RBM4: variants seen among roughly 807,000 people sequenced by gnomAD.
RBM4 encodes the protein RNA-binding protein 4.
RBM4 carries 7 observed loss-of-function variants against 29.5 expected under a neutral mutation model. The observed-to-expected ratio is 0.24, with a 90% CI of 0.14 to 0.45. The LOEUF (loss-of-function observed/expected upper bound fraction) is 0.45. RBM4 is among the 20% of genes least tolerant of loss of function. The pLI, the probability that RBM4 is intolerant of heterozygous loss-of-function variation, is 1.00. For synonymous variants in RBM4, 220 were observed against 205.4 expected (o/e 1.07, Z -0.61); for missense variants, 387 against 502.3 (o/e 0.77, Z 2.19).
At chr11:66,641,403 T>G (rs1565080275) in intron 2 of RBM4, among the ~76,000 whole-genome samples, 1 of 152,220 alleles carries the variant, frequency 6.6e-6, no homozygotes, top group East Asian at 1.9e-4. Context: ...TGTGCGTTAG[T>G]AAAGAAAAGT....
At chr11:66,640,860 T>TA (rs1740484764) in intron 2 of RBM4, 1 of 152,246 alleles carries the variant, frequency 6.6e-6, no homozygotes, top group East Asian at 1.9e-4. Context: ...GCATGGGTGA[T>TA]ATGTGGATTG....
rs115661621 is a variant in RBM4 at position 66,658,559 on chromosome 11, G to C, written c.413-7297G>C. Among the ~76,000 whole-genome samples the C allele has an allele frequency of 2.7e-3, 417 of 151,994 alleles. 5 individuals carry two copies. The highest frequency in any genetic ancestry group is 9.3e-3 in the African/African-American group (386 of 41,466). On this transcript the variant is annotated intron_variant, in intron 2 of 2. Coordinates refer to the RBM4 transcript ENST00000396053. ...AGACTTCATTCATTGCTTTGGCTTTGTATACCATATGGAGTTGTGCTGTTC... is the reference window on the plus strand; with the variant it reads ...AGACTTCATTCATTGCTTTGGCTTTCTATACCATATGGAGTTGTGCTGTTC...
At chr11:66,644,261 A>G in intron 3 of RBM4, 121 bp downstream of exon 3, 3 of 1,355,134 alleles carry the variant, frequency 2.2e-6, no homozygotes, top group Non-Finnish European at 3.0e-6. Flanking sequence ...GGTTACTAGG[A>G]TGGCTCACAG....
chr11:66,645,351 T>C (rs747153845), intron 3 of RBM4, among the ~76,000 whole-genome samples: 9 of 152,212 alleles, frequency 5.9e-5, no homozygotes, highest in Non-Finnish European at 1.3e-4. Flanking sequence ...TCCTTAATTA[T>C]AGTAACTGTG....
intron 2 of RBM4, among the ~76,000 whole-genome samples, chr11:66,662,841 T>C (rs1029630856): frequency 1.3e-5 from 2 of 152,206 alleles, no homozygotes; most frequent in African/African-American, 4.8e-5. Context: ...CCCAGCATCT[T>C]TGCCTTATTT....
At chr11:66,641,178 G>C (rs1938444481) in intron 2 of RBM4, 1 of 152,138 alleles carries the variant, frequency 6.6e-6, no homozygotes, top group Admixed American at 6.5e-5. Flanking sequence ...AATAAAAAAA[G>C]CCTTATTCAA....
chr11:66,640,265 T>A, intron 2 of RBM4, 142 bp downstream of exon 2: 1 of 1,137,296 alleles, frequency 8.8e-7, no homozygotes, highest in Non-Finnish European at 1.3e-6. Flanking sequence ...ATGGACTTCT[T>A]ATGATGTAGA....
chr11:66,655,148 G>T (rs1342902717), intron 2 of RBM4, among the ~76,000 whole-genome samples: 1 of 151,990 alleles, frequency 6.6e-6, no homozygotes, highest in Non-Finnish European at 1.5e-5. Flanking sequence ...ACCACGCCTG[G>T]CTAATTTTTG....
rs755285322 is a variant in RBM4 at position 66,643,691 on chromosome 11, C to T, written c.654C>T (p.Leu218=). Residue 218 remains leucine, a synonymous_variant, in exon 3 of 4, where the codon CTC becomes CTT. Transcript: ENST00000310092. The surrounding 1 kb of genome is among the most constrained non-coding windows in gnomAD (Gnocchi z 6.1). ...SLYYNNAYGA[L]DAYYKRCRAA... ...ATTACAACAACGCGTACGGAGCGCTCGATGCCTACTACAAGCGCTGCCGTG... is the reference window on the plus strand; with the variant it reads ...ATTACAACAACGCGTACGGAGCGCTTGATGCCTACTACAAGCGCTGCCGTG... 11 of 1,614,020 alleles carry T rather than the reference C, an allele frequency of 6.8e-6. No individual in the cohort carries two copies. Among genetic ancestry groups the T allele is most frequent in the East Asian group, 2.2e-5 (1 of 44,892 alleles).
chr11:66,644,283 G>A (rs549583738), intron 3 of RBM4, 143 bp downstream of exon 3: 2 of 1,179,154 alleles, frequency 1.7e-6, no homozygotes, highest in East Asian at 5.2e-5. Flanking sequence ...CTAGAGAGAA[G>A]TCCTAACTGC....
At chr11:66,644,650 A>C (rs1437194636) in intron 3 of RBM4, 11 of 979,426 alleles carry the variant, frequency 1.1e-5, no homozygotes, top group Admixed American at 6.0e-5. Context: ...GTTACTAAGA[A>C]GACTACCAAA....
In RBM4 at chr11:66,639,978, C is replaced by T. The variant is rs1043375; in HGVS notation, c.267C>T (p.Cys89=). Residue 89 remains cysteine, a synonymous_variant, in exon 2 of 4, where the codon TGC becomes TGT. Transcript: ENST00000310092. ...KLHVGNISPT[C]TNKELRAKFE... ...ATGTGGGCAACATCAGTCCCACCTGCACCAATAAGGAGCTTCGAGCCAAGT... is the reference window on the plus strand; with the variant it reads ...ATGTGGGCAACATCAGTCCCACCTGTACCAATAAGGAGCTTCGAGCCAAGT... The T allele has an allele frequency of 6.2e-7, 1 of 1,614,184 alleles. No individual in the cohort carries two copies. Among genetic ancestry groups the T allele is most frequent in the Non-Finnish European group, 8.5e-7 (1 of 1,180,040 alleles).
chr11:66,661,149 G>A (rs1488414500), intron 2 of RBM4, among the ~76,000 whole-genome samples: 1 of 152,150 alleles, frequency 6.6e-6, no homozygotes, highest in Non-Finnish European at 1.5e-5. Flanking sequence ...TTCTTCTCCT[G>A]CAAGTTCCTG....
At chr11:66,648,984 C>CT (rs1232136317), downstream of RBM4, among the ~76,000 whole-genome samples, 1 of 150,552 alleles carries the variant, frequency 6.6e-6, no homozygotes, top group Non-Finnish European at 1.5e-5. Flanking sequence ...TGCATTTTCT[C>CT]TTTTTTAAAC....
Position 66,644,093 on chromosome 11 carries a change from G to C in RBM4, c.1056G>C (p.Arg352=). The change falls in exon 3 of 4, where the codon CGG becomes CGC. Residue 352 remains arginine (R), a synonymous_variant. Transcript: ENST00000310092. ...TGTACGACATGGCCCGGTATGAGCG[G>C]GAGCAGTATGCCGATCGGGCGCGGT... ...NSLYDMARYE[R]EQYADRARYS... 1 of 1,614,096 alleles carries C rather than the reference G, an allele frequency of 6.2e-7. No homozygotes were observed. Among genetic ancestry groups the C allele is most frequent in the Non-Finnish European group, 8.5e-7 (1 of 1,180,012 alleles).
intron 2 of RBM4, among the ~76,000 whole-genome samples, chr11:66,664,298 C>T (rs1028228796): frequency 2.6e-5 from 4 of 150,994 alleles, no homozygotes; most frequent in Non-Finnish European, 3.0e-5. Flanking sequence ...TACAGGCACT[C>T]GCCACCACGC....
intron 2 of RBM4, among the ~76,000 whole-genome samples, chr11:66,641,730 T>C (rs1938473036): frequency 1.3e-5 from 2 of 152,210 alleles, no homozygotes. Flanking sequence ...TTATGTAATA[T>C]TGGCGTTTCT....
intron 2 of RBM4, among the ~76,000 whole-genome samples, chr11:66,662,231 A>G (rs1488444676): frequency 1.3e-5 from 2 of 152,144 alleles, no homozygotes; most frequent in Non-Finnish European, 2.9e-5. Context: ...TTCTCAGTGG[A>G]ATAAACCACA....
chr11:66,667,299 T>C (rs904739490), exon 3 of RBM4: 2 of 152,252 alleles, frequency 1.3e-5, no homozygotes, highest in African/African-American at 4.8e-5. Flanking sequence ...TTGGTACACA[T>C]TTCCTGATGT....
Sources: gnomAD v4.1 joint callset for allele counts (sites outside exome capture counted in the v4.1 genomes callset) on GRCh38, gnomAD v4.1.1 for gene constraint, Gnocchi (gnomAD v3.1) non-coding constraint, MANE v1.5 for transcripts, NCBI Gene and HGNC (gene_info 2026-07-23, HGNC 2026-07-21) for gene names.